Variants in ARMH3 observed in about 807,000 individuals in gnomAD.
The protein encoded by ARMH3 is armadillo-like helical domain-containing protein 3.
A neutral mutation model predicts 99.1 loss-of-function variants in ARMH3; 60 were observed. That is an observed-to-expected ratio of 0.61 (90% confidence interval 0.49 to 0.75). The LOEUF is 0.75. Ranked by LOEUF, ARMH3 falls within the 30% of genes least tolerant of loss-of-function variation. The pLI, the probability that ARMH3 is intolerant of heterozygous loss-of-function variation, is 0.00. For missense variants in ARMH3, 679 were observed against 843.1 expected, an observed-to-expected ratio of 0.81 and a Z score of 2.41; for synonymous variants, 285 against 292.8, an observed-to-expected ratio of 0.97 and a Z score of 0.27.
intron 19 of ARMH3, among the ~76,000 whole-genome samples, chr10:101,977,531 T>C (rs1846064130): frequency 1.3e-5 from 2 of 152,242 alleles, no homozygotes; most frequent in African/African-American, 4.8e-5. Context: ...TAGAAGTTTA[T>C]ATACATAGAT....
At chr10:101,973,375 A>G (rs531064522) in intron 20 of ARMH3, among the ~76,000 whole-genome samples, 30 of 152,084 alleles carry the variant, frequency 2.0e-4, no homozygotes, top group South Asian at 8.3e-4. Flanking sequence ...AAAAAAAAAA[A>G]AAAGAAAAAA....
chr10:101,968,750 A>T lies in ARMH3; in HGVS notation c.1495+6462T>A, dbSNP rs531349887. Among the ~76,000 whole-genome samples the T allele has an allele frequency of 2.6e-5, 4 of 152,360 alleles. No individual in the cohort carries two copies. In the South Asian group the frequency reaches 8.3e-4, roughly 32 times the overall value. The stretch of plus-strand genomic sequence containing the variant: ...CTGAGGGGATGAGAGAAAGATTCAA[A>T]ATAGTGTAAATTTTGGATTCAGCCA... On this transcript the variant is annotated intron_variant, in intron 20 of 25. Transcript: ENST00000370033.
chr10:101,892,982 G>C (rs1012102161), intron 23 of ARMH3, among the ~76,000 whole-genome samples: 7 of 152,192 alleles, frequency 4.6e-5, no homozygotes. Context: ...TTCCAAAGTA[G>C]GAAAGAATTT....
intron 15 of ARMH3, among the ~76,000 whole-genome samples, chr10:101,997,214 G>A (rs975226351): frequency 6.6e-6 from 1 of 151,832 alleles, no homozygotes; most frequent in Admixed American, 6.6e-5. Flanking sequence ...GCAGTGAGCC[G>A]AGAAGATCAT....
intron 22 of ARMH3, among the ~76,000 whole-genome samples, chr10:101,953,244 C>G (rs190559208): frequency 6.6e-6 from 1 of 152,276 alleles, no homozygotes; most frequent in African/African-American, 2.4e-5. Flanking sequence ...ATCCTCCCAC[C>G]TTAGCCTCCC....
chr10:101,922,187 A>C (rs1404496469), intron 23 of ARMH3, among the ~76,000 whole-genome samples: 1 of 152,198 alleles, frequency 6.6e-6, no homozygotes, highest in African/African-American at 2.4e-5. Flanking sequence ...CCATATATCA[A>C]TATCTCAATT....
intron 8 of ARMH3, among the ~76,000 whole-genome samples, chr10:102,019,865 T>G (rs1012846456): frequency 6.6e-6 from 1 of 150,812 alleles, no homozygotes; most frequent in African/African-American, 2.4e-5. Flanking sequence ...GAGGCAGAGC[T>G]TGCAGTGAGC....
intron 23 of ARMH3, among the ~76,000 whole-genome samples, chr10:101,902,806 C>T (rs2068012486): frequency 6.6e-6 from 1 of 152,072 alleles, no homozygotes; most frequent in Non-Finnish European, 1.5e-5. Context: ...GATTCTTTGA[C>T]GGCACCTCCA....
intron 24 of ARMH3, among the ~76,000 whole-genome samples, chr10:101,874,688 C>T (rs2067218274): frequency 6.6e-6 from 1 of 152,136 alleles, no homozygotes; most frequent in South Asian, 2.1e-4. Flanking sequence ...GAGGGTTCTG[C>T]TTTTGCCTTT....
At chr10:102,048,829 G>A (rs543857734) in intron 1 of ARMH3, among the ~76,000 whole-genome samples, 1 of 152,144 alleles carries the variant, frequency 6.6e-6, no homozygotes, top group African/African-American at 2.4e-5. Flanking sequence ...CTAGATACAG[G>A]GTTTTTTAAA....
chr10:102,031,696 C>T (rs959871937), intron 4 of ARMH3, among the ~76,000 whole-genome samples: 2 of 152,228 alleles, frequency 1.3e-5, no homozygotes, highest in African/African-American at 4.8e-5. Context: ...TAAACCCAAT[C>T]TATCACAAGT....
At chr10:102,025,040 G>T in intron 6 of ARMH3, 116 bp downstream of exon 6, 1 of 864,644 alleles carries the variant, frequency 1.2e-6, no homozygotes. Flanking sequence ...AGGGAGTGAT[G>T]TAATACCCTC....
chr10:101,947,118 C>G (rs1286775396), intron 22 of ARMH3, among the ~76,000 whole-genome samples: 1 of 151,758 alleles, frequency 6.6e-6, no homozygotes, highest in Non-Finnish European at 1.5e-5. Context: ...ACCCGGGAGG[C>G]AGAGCTTGCA....
At chr10:101,856,684 C>G (rs1406346633) in intron 24 of ARMH3, among the ~76,000 whole-genome samples, 4 of 152,100 alleles carry the variant, frequency 2.6e-5, no homozygotes, top group African/African-American at 9.7e-5. Context: ...TCTATCTGTC[C>G]CACTGGATTC....
chr10:101,864,660 G>C (rs1039816012), intron 24 of ARMH3, among the ~76,000 whole-genome samples: 1 of 152,064 alleles, frequency 6.6e-6, no homozygotes, highest in South Asian at 2.1e-4. Flanking sequence ...ACCAAACACC[G>C]CATGTTCTCA....
chr10:101,911,160 G>A (rs912900500), intron 23 of ARMH3, among the ~76,000 whole-genome samples: 1 of 151,744 alleles, frequency 6.6e-6, no homozygotes, highest in South Asian at 2.1e-4. Flanking sequence ...AAAAGAGACA[G>A]AAGGTGATCA....
At chr10:101,921,068 CAAT>C (rs1270076195) in intron 23 of ARMH3, among the ~76,000 whole-genome samples, 1 of 152,116 alleles carries the variant, frequency 6.6e-6, no homozygotes, top group Non-Finnish European at 1.5e-5. Context: ...TGTTGCACAA[CAAT>C]GTCAATATAC....
intron 1 of ARMH3, among the ~76,000 whole-genome samples, chr10:102,054,856 C>T (rs940692050): frequency 5.3e-5 from 8 of 151,666 alleles, no homozygotes; most frequent in Middle Eastern, 3.4e-3. Context: ...ATTAGCCGGG[C>T]GTGGTAGCTC....
At chr10:101,876,263 A>AAG (rs1564710873) in intron 24 of ARMH3, among the ~76,000 whole-genome samples, 2 of 151,436 alleles carry the variant, frequency 1.3e-5, no homozygotes, top group African/African-American at 4.9e-5. Context: ...AAAAAAAAAA[A>AAG]AAAAACAACT....
Sources: gnomAD v4.1 joint callset for allele counts (sites outside exome capture counted in the v4.1 genomes callset) on GRCh38, gnomAD v4.1.1 for gene constraint, MANE v1.5 for transcripts, NCBI Gene and HGNC (gene_info 2026-07-23, HGNC 2026-07-21) for gene names.